TMPRSS11A: variants seen among roughly 807,000 people sequenced by gnomAD.
TMPRSS11A encodes the protein transmembrane serine protease 11A.
Under a neutral mutation model 58.9 loss-of-function variants are expected in TMPRSS11A, and 53 were observed. That is an observed-to-expected ratio of 0.90 (90% CI 0.72 to 1.13). TMPRSS11A has a LOEUF of 1.13. Among genes scored for constraint, TMPRSS11A ranks in the 50% most tolerant of loss-of-function variants. The pLI, the probability that TMPRSS11A is intolerant of heterozygous loss-of-function variation, is 0.00. For missense variants in TMPRSS11A, 493 were observed against 499.3 expected (o/e 0.99, Z 0.12); for synonymous variants, 167 against 169.8 (o/e 0.98, Z 0.13).
At position 67,940,706 on chromosome 4, in the gene TMPRSS11A, T is replaced by C. The variant is rs375354854; in HGVS notation, c.252+3813A>G. On this transcript the variant is annotated intron_variant, in intron 3 of 9. Coordinates refer to ENST00000508048, the MANE Select transcript of TMPRSS11A (RefSeq NM_001114387.2). ...TCACAGAGGATGCATAGTAAGGGTTTTGTGTCCTCTGCTTCACCTTTGAAC... is the reference window on the plus strand; with the variant it reads ...TCACAGAGGATGCATAGTAAGGGTTCTGTGTCCTCTGCTTCACCTTTGAAC... Among the ~76,000 whole-genome samples the C allele has an allele frequency of 4.9e-4, 74 of 152,342 alleles. 1 individual carries two copies. The South Asian group carries it at 0.013, about 26-fold the overall frequency.
Position 67,939,849 on chromosome 4 carries a change from C to A in TMPRSS11A, c.252+4670G>T, listed in dbSNP as rs555119916. ...GATTACAGGCACCTGCCACCATGCC[C>A]GGCTAATTTTCGTATTTTTAATACA... On this transcript the variant is annotated intron_variant, in intron 3 of 9. Transcript: ENST00000508048. Among the ~76,000 whole-genome samples, 446 of 152,040 alleles carry A rather than the reference C, an allele frequency of 2.9e-3. 3 individuals are homozygous for A. Among genetic ancestry groups the A allele is most frequent in the African/African-American group, 0.01 (426 of 41,476 alleles).
intron 1 of TMPRSS11A, among the ~76,000 whole-genome samples, chr4:67,952,233 T>C (rs981591858): frequency 3.3e-5 from 5 of 152,218 alleles, no homozygotes; most frequent in Non-Finnish European, 7.3e-5. Context: ...ACTTGCTCAA[T>C]TCATGCAGCC....
rs1455487935 is a variant in TMPRSS11A, at chr4:67,932,065, T to TA, written c.253-6dup. ...ATCTATAAATATCTCATCCACCTGT[T>TA]ACACAACAAGAGAGAAACTATGTGT... On this transcript the variant is annotated splice_region_variant and splice_polypyrimidine_tract_variant and intron_variant, in intron 3 of 9. Coordinates refer to ENST00000508048, the MANE Select transcript of TMPRSS11A (RefSeq NM_001114387.2). 1.3e-6 allele frequency: 2 copies of TA among 1,511,948 alleles called. No individual in the cohort carries two copies. Among genetic ancestry groups the TA allele is most frequent in the Admixed American group, 3.3e-5 (2 of 59,722 alleles). The allele number at this position is 1,511,948 out of a possible 1,614,324, so 93.7% of individuals were successfully genotyped here.
rs555642870 is a variant in TMPRSS11A at position 67,939,400 on chromosome 4, T to G, written c.252+5119A>C. ...CTTCCTCTTTTCGTATTTGGATGCA[T>G]TTTCCTTCTTTCTCCTGCTCGATTG... On this transcript the variant is annotated intron_variant, in intron 3 of 9. Coordinates refer to ENST00000508048, the MANE Select transcript of TMPRSS11A (RefSeq NM_001114387.2). Among the ~76,000 whole-genome samples, 200 of 152,274 alleles carry G rather than the reference T, an allele frequency of 1.3e-3. 1 individual carries two copies. The South Asian group carries it at 0.025, about 19-fold the overall frequency.
chr4:67,922,742 G>T lies in TMPRSS11A; in HGVS notation c.692+13C>A. On this transcript the variant is annotated intron_variant, in intron 7 of 9. Transcript: ENST00000508048. Reference sequence around the variant, plus strand: ...TAGCAGAAGTGGGTTCTAACTTAAGGTCAATAACTTACTTCTGGAAGCAGT... The same window carrying T: ...TAGCAGAAGTGGGTTCTAACTTAAGTTCAATAACTTACTTCTGGAAGCAGT... 2 of 1,611,830 alleles carry T rather than the reference G, an allele frequency of 1.2e-6. No homozygotes were observed. The highest frequency in any genetic ancestry group is 1.7e-6 in the Non-Finnish European group (2 of 1,178,320).
intron 8 of TMPRSS11A, 69 bp downstream of exon 8, chr4:67,918,904 T>C (rs571713619): frequency 1.9e-5 from 30 of 1,549,328 alleles, no homozygotes; most frequent in Middle Eastern, 1.7e-4. Context: ...CAGGATAATA[T>C]TGATGGAGAT....
chr4:67,932,127 T>A (rs1159143279), intron 3 of TMPRSS11A, 67 bp from the exon 4 acceptor site: 1 of 926,318 alleles, frequency 1.1e-6, no homozygotes, highest in African/African-American at 1.7e-5. Flanking sequence ...TATCCTTGAT[T>A]AAATGTTAAA....
chr4:67,938,793 T>C (rs572224612), intron 3 of TMPRSS11A, among the ~76,000 whole-genome samples: 1 of 152,190 alleles, frequency 6.6e-6, no homozygotes, highest in Admixed American at 6.5e-5. Flanking sequence ...CCAATGCCAT[T>C]CTGTTTTGAT....
chr4:67,960,324 T>C (rs1458815776), intron 1 of TMPRSS11A, among the ~76,000 whole-genome samples: 3 of 152,240 alleles, frequency 2.0e-5, no homozygotes, highest in Non-Finnish European at 2.9e-5. Context: ...ACAGTTATTC[T>C]TCTCTTAGAA....
chr4:67,919,117 C>G lies in TMPRSS11A; in HGVS notation c.808G>C (p.Glu270Gln), dbSNP rs1720247185. 2.5e-6 allele frequency: 4 copies of G among 1,614,074 alleles called. No individual in the cohort carries two copies. The highest frequency in any genetic ancestry group is 1.1e-5 in the South Asian group (1 of 91,094). The stretch of plus-strand genomic sequence containing the variant: ...ACCTGCACAACAGCAATGTCGTACT[C>G]TCTTGCTGCAGAGCGGTACTTCTCA... ...IHEKYRSAAR[E>Q]YDIAVVQVSS... Residue 270 changes from glutamate to glutamine, a missense_variant, in exon 8 of 10, where the codon GAG (glutamate) becomes CAG (glutamine). Physicochemically the swap from Glu to Gln is conservative, Grantham distance 29 (BLOSUM62 2). Coordinates refer to ENST00000508048, the MANE Select transcript of TMPRSS11A (RefSeq NM_001114387.2).
rs749754081 is a variant in TMPRSS11A at position 67,922,837 on chromosome 4, G to C, written c.610C>G (p.Leu204Val). 1 of 1,614,174 alleles carries C rather than the reference G, an allele frequency of 6.2e-7. No individual in the cohort carries two copies. The highest frequency in any genetic ancestry group is 1.6e-4 in the Middle Eastern group (1 of 6,062). Residue 204 changes from leucine to valine, a missense_variant, in exon 7 of 10, where the codon CTT (leucine) becomes GTT (valine). Coordinates refer to ENST00000508048, the MANE Select transcript of TMPRSS11A (RefSeq NM_001114387.2). ...PKAAWPWQAS[L>V]QYDNIHQCGA... ...CACTGATGGATGTTATCATACTGAA[G>C]GGAAGCTTGCCAAGGCCAGGCCGCC...
At chr4:67,929,403 T>C (rs1312385702) in intron 5 of TMPRSS11A, among the ~76,000 whole-genome samples, 1 of 152,198 alleles carries the variant, frequency 6.6e-6, no homozygotes, top group Non-Finnish European at 1.5e-5. Flanking sequence ...GTAAAATGAC[T>C]CTAACAACTT....
chr4:67,925,515 A>T (rs1720443012), intron 5 of TMPRSS11A, among the ~76,000 whole-genome samples: 1 of 152,194 alleles, frequency 6.6e-6, no homozygotes, highest in Non-Finnish European at 1.5e-5. Context: ...CACTGGGGAA[A>T]CTAGTGATGA....
intron 8 of TMPRSS11A, among the ~76,000 whole-genome samples, chr4:67,916,042 T>C (rs353168): frequency 0.1 from 15,798 of 152,220 alleles, 1,133 homozygotes; most frequent in African/African-American, 0.2. Flanking sequence ...AGCATCTCCC[T>C]AACTCCTTCC....
intron 8 of TMPRSS11A, among the ~76,000 whole-genome samples, chr4:67,916,552 C>T (rs1034609860): frequency 8.5e-5 from 13 of 152,176 alleles, no homozygotes; most frequent in Admixed American, 1.3e-4. Flanking sequence ...TGGCCTGGCG[C>T]GCGGTGGCTC....
rs112156316 is a variant in TMPRSS11A at position 67,939,319 on chromosome 4, G to C, written c.252+5200C>G. Among the ~76,000 whole-genome samples, 276 of 152,272 alleles carry C rather than the reference G, an allele frequency of 1.8e-3. 1 individual carries two copies. Among genetic ancestry groups the C allele is most frequent in the African/African-American group, 6.0e-3 (250 of 41,556 alleles). On this transcript the variant is annotated intron_variant, in intron 3 of 9. Coordinates refer to ENST00000508048, the MANE Select transcript of TMPRSS11A (RefSeq NM_001114387.2). ...ATCAGTTTTGGAAACTTTTTGTAAAGTCTTTAGGGTTTTCTAGGCATATAA... is the reference window on the plus strand; with the variant it reads ...ATCAGTTTTGGAAACTTTTTGTAAACTCTTTAGGGTTTTCTAGGCATATAA...
chr4:67,937,302 TC>T (rs1720776910), intron 3 of TMPRSS11A, among the ~76,000 whole-genome samples: 1 of 152,292 alleles, frequency 6.6e-6, no homozygotes, highest in Admixed American at 6.5e-5. Context: ...GCTTCCTTCA[TC>T]TTTCTCTATT....
At chr4:67,943,190 A>T (rs1720920002) in intron 3 of TMPRSS11A, among the ~76,000 whole-genome samples, 1 of 152,118 alleles carries the variant, frequency 6.6e-6, no homozygotes, top group Admixed American at 6.6e-5. Context: ...TGAAACTTAA[A>T]ACTCCACTTT....
At chr4:67,937,620 G>A (rs1226316593) in intron 3 of TMPRSS11A, among the ~76,000 whole-genome samples, 1 of 152,104 alleles carries the variant, frequency 6.6e-6, no homozygotes, top group African/African-American at 2.4e-5. Flanking sequence ...TTCCAGCTAT[G>A]GACCTTAATT....
Sources: allele counts gnomAD v4.1 joint callset (sites outside exome capture counted in the v4.1 genomes callset), GRCh38; gene constraint gnomAD v4.1.1; transcripts MANE v1.5; gene names NCBI Gene and HGNC (gene_info 2026-07-23, HGNC 2026-07-21).